Variants in PSORS1C1 observed in about 807,000 individuals in gnomAD.
PSORS1C1 encodes psoriasis susceptibility 1 candidate 1, also known as psoriasis susceptibility 1 candidate gene 1 protein.
Under a neutral mutation model 9.4 loss-of-function variants are expected in PSORS1C1, and 7 were observed. The observed-to-expected ratio is 0.75, with a 90% confidence interval of 0.42 to 1.40. The LOEUF (loss-of-function observed/expected upper bound fraction) is 1.40. Among genes scored for constraint, PSORS1C1 ranks in the 40% most tolerant of loss-of-function variants. The probability of loss-of-function intolerance (pLI) is 0.01; values close to 1 mark genes in which losing one functional copy is unlikely to be tolerated. For synonymous variants in PSORS1C1, 63 were observed against 69.4 expected, an observed-to-expected ratio of 0.91 and a Z score of 0.46; for missense variants, 146 against 178.1, an observed-to-expected ratio of 0.82 and a Z score of 1.02.
At chr6:31,127,965 C>T (rs1772757982) in intron 2 of PSORS1C1, among the ~76,000 whole-genome samples, 1 of 152,244 alleles carries the variant, frequency 6.6e-6, no homozygotes, top group African/African-American at 2.4e-5. Context: ...TGGAAGGCAG[C>T]TCCCTGAGGG....
Position 31,139,530 on chromosome 6 carries a change from TC to T in PSORS1C1, c.168-107del. On this transcript the variant is annotated intron_variant, in intron 5 of 5. Coordinates refer to ENST00000259881, the MANE Select transcript of PSORS1C1 (RefSeq NM_014068.3). The surrounding 1 kb of genome is among the most constrained non-coding windows in gnomAD (Gnocchi z 5.2). ...GACAGTGTCAGCTACTACCCCAGCCTCCCCACTCACCCCCGCACTGAAAGCT... is the reference window on the plus strand; with the variant it reads ...GACAGTGTCAGCTACTACCCCAGCCTCCCACTCACCCCCGCACTGAAAGCT... 9.7e-7 allele frequency: 1 copy of T among 1,031,038 alleles called. No individual in the cohort carries two copies. The highest frequency in any genetic ancestry group is 1.4e-6 in the Non-Finnish European group (1 of 709,108). 63.9% of individuals were successfully genotyped at this position (1,031,038 alleles called of 1,614,324 possible).
chr6:31,122,431 T>C (rs775337442), intron 1 of PSORS1C1, among the ~76,000 whole-genome samples: 34 of 152,182 alleles, frequency 2.2e-4, no homozygotes, highest in Non-Finnish European at 3.4e-4. Flanking sequence ...GCTCCCTTCC[T>C]GCCTTGTATA....
At chr6:31,121,444 A>C (rs1020864480) in intron 1 of PSORS1C1, among the ~76,000 whole-genome samples, 7 of 152,218 alleles carry the variant, frequency 4.6e-5, no homozygotes, top group Non-Finnish European at 7.3e-5. Flanking sequence ...CCGGGTCCTC[A>C]AAGGATGAAA....
chr6:31,121,698 C>G (rs1169160919), intron 1 of PSORS1C1, among the ~76,000 whole-genome samples: 1 of 152,216 alleles, frequency 6.6e-6, no homozygotes, highest in Non-Finnish European at 1.5e-5. Context: ...CTCATCTCCT[C>G]ACAAAGGCAG....
chr6:31,117,301 G>T, intron 1 of PSORS1C1: 4 of 1,590,356 alleles, frequency 2.5e-6, no homozygotes, highest in Non-Finnish European at 3.4e-6. Flanking sequence ...TGGCTTAAAA[G>T]ATCCTGCAGA....
chr6:31,132,625 A>G (rs11757801), intron 3 of PSORS1C1, among the ~76,000 whole-genome samples: 33,304 of 152,046 alleles, frequency 0.22, 4,205 homozygotes, highest in African/African-American at 0.34. Flanking sequence ...CAAGGCAGGA[A>G]GATTGCTTGA....
intron 3 of PSORS1C1, among the ~76,000 whole-genome samples, chr6:31,137,234 A>G (rs74762922): frequency 0.049 from 7,406 of 152,292 alleles, 200 homozygotes; most frequent in Middle Eastern, 0.068. Context: ...AGGCGGGCAG[A>G]TCACGAGGTC....
At position 31,115,379 on chromosome 6, in the gene PSORS1C1, A is replaced by G. The variant is rs1042147; in HGVS notation, c.-229+488A>G. ...TCTCCCTCACCCAGGGAATCATCTG[A>G]GCACTGAGGGAAGTGGCCACAGGAA... On this transcript the variant is annotated intron_variant, in intron 1 of 5. Transcript: ENST00000259881. This position sits in a 1 kb window ranked among gnomAD's most constrained non-coding sequence, Gnocchi z 4.2. The G allele has an allele frequency of 0.57, 99,441 of 174,140 alleles. 29,147 individuals carry two copies. The highest frequency in any genetic ancestry group is 0.71 in the East Asian group (4,432 of 6,270). The allele number at this position is 174,140 out of a possible 1,614,324, so 10.8% of individuals were successfully genotyped here. A position where few individuals can be genotyped will look rare whatever the true frequency, so the allele number is the denominator to read the frequency against.
rs1772077068 is a variant in PSORS1C1 at position 31,115,801 on chromosome 6, A to G, written c.-229+910A>G. 3.5e-6 allele frequency: 2 copies of G among 578,116 alleles called. No homozygotes were observed. The highest frequency in any genetic ancestry group is 6.2e-6 in the Non-Finnish European group (2 of 324,926). The allele number at this position is 578,116 out of a possible 1,614,324, so 35.8% of individuals were successfully genotyped here. A position where few individuals can be genotyped will look rare whatever the true frequency, so the allele number is the denominator to read the frequency against. ...AATGGGAATTTAAACAGTAGGAGAG[A>G]ATCAAGAGAGGAGCTTTGAATCTAC... On this transcript the variant is annotated intron_variant, in intron 1 of 5. Transcript: ENST00000259881. The surrounding 1 kb of genome is among the most constrained non-coding windows in gnomAD (Gnocchi z 4.2).
At chr6:31,138,096 G>C (rs1256556550) in intron 3 of PSORS1C1, 6 of 1,597,794 alleles carry the variant, frequency 3.8e-6, no homozygotes, top group Non-Finnish European at 5.1e-6. Flanking sequence ...AGGAGGATCC[G>C]TTCTAGGCGG....
At chr6:31,120,534 G>T in intron 1 of PSORS1C1, 1 of 948,684 alleles carries the variant, frequency 1.1e-6, no homozygotes, top group South Asian at 1.4e-5. Flanking sequence ...AGAGGTGGAG[G>T]GGGTGGGTGC....
chr6:31,116,350 G>A (rs746922427), intron 1 of PSORS1C1: 1 of 1,612,492 alleles, frequency 6.2e-7, no homozygotes, highest in South Asian at 1.1e-5. Flanking sequence ...TGGGGAGCAG[G>A]GGCTCTGGGA....
chr6:31,121,435 C>T (rs1477725460), intron 1 of PSORS1C1, among the ~76,000 whole-genome samples: 3 of 152,180 alleles, frequency 2.0e-5, no homozygotes, highest in Non-Finnish European at 2.9e-5. Flanking sequence ...GGCAGGCTCC[C>T]GGGTCCTCAA....
intron 3 of PSORS1C1, chr6:31,137,752 T>A: frequency 2.5e-6 from 1 of 404,530 alleles, no homozygotes; most frequent in Non-Finnish European, 4.4e-6. Flanking sequence ...AAACGGGCGA[T>A]GTGAGGACTA....
chr6:31,116,737 T>C lies in PSORS1C1; in HGVS notation c.-229+1846T>C, dbSNP rs145197060. ...GCCACCCACCACCTCGTAGCCACCA[T>C]AGGATTTGTCTACAGAGGTGATTGG... On this transcript the variant is annotated intron_variant, in intron 1 of 5. Coordinates refer to ENST00000259881, the MANE Select transcript of PSORS1C1 (RefSeq NM_014068.3). The C allele has an allele frequency of 1.6e-5, 26 of 1,612,818 alleles. No homozygotes were observed. The highest frequency in any genetic ancestry group is 5.0e-5 in the Admixed American group (3 of 59,996).
chr6:31,120,404 C>T (rs1772393593), intron 1 of PSORS1C1: 1 of 1,589,476 alleles, frequency 6.3e-7, no homozygotes, highest in South Asian at 1.2e-5. Flanking sequence ...ATCCAGGGTG[C>T]CCGAGACGAG....
intron 3 of PSORS1C1, chr6:31,133,484 C>G (rs1773010519): frequency 6.6e-6 from 1 of 152,256 alleles, no homozygotes; most frequent in Admixed American, 6.5e-5. Context: ...TGTACCTGCA[C>G]CCTGTATGAG....
chr6:31,116,148 G>C (rs909107761), intron 1 of PSORS1C1: 7 of 1,611,140 alleles, frequency 4.3e-6, no homozygotes, highest in South Asian at 1.1e-5. Flanking sequence ...TTCCAGCACT[G>C]CTGGAGCCAC....
At chr6:31,120,567 G>C (rs954301418) in intron 1 of PSORS1C1, 2 of 717,400 alleles carry the variant, frequency 2.8e-6, no homozygotes, top group African/African-American at 1.7e-5. Flanking sequence ...TGGTGTGGCC[G>C]GGAGGAGCGT....
Sources: gnomAD v4.1 joint callset for allele counts (sites outside exome capture counted in the v4.1 genomes callset) on GRCh38, gnomAD v4.1.1 for gene constraint, Gnocchi (gnomAD v3.1) non-coding constraint, MANE v1.5 for transcripts, NCBI Gene and HGNC (gene_info 2026-07-23, HGNC 2026-07-21) for gene names.